Variants in TRPS1 observed in about 807,000 individuals in gnomAD.
The protein encoded by TRPS1 is zinc finger transcription factor Trps1.
Under a neutral mutation model 101.2 loss-of-function variants are expected in TRPS1, and 6 were observed. That is an observed-to-expected ratio of 0.06 (90% CI 0.03 to 0.12). The LOEUF is 0.12. TRPS1 is among the 10% of genes least tolerant of loss of function. TRPS1 has a pLI of 1.00. For synonymous variants in TRPS1, 578 were observed against 589.8 expected (o/e 0.98, Z 0.29); for missense variants, 1,363 against 1,567.0 (o/e 0.87, Z 2.20).
In TRPS1 at chr8:115,604,579, G is replaced by C. The variant is rs776825402; in HGVS notation, c.1390C>G (p.Leu464Val). The change falls in exon 4 of 7, where the codon CTG (leucine) becomes GTG (valine). Residue 464 changes from leucine to valine, a missense_variant. By Grantham distance (32) the Leu-to-Val change is conservative. Around this residue, in one of 5 missense-constraint regions of TRPS1, gnomAD observed 1,020 missense variants for 1,073.0 expected, o/e 0.95. Transcript: ENST00000395715. This position sits in a 1 kb window ranked among gnomAD's most constrained non-coding sequence, Gnocchi z 4.1. ...FSCESSSSLK[L>V]LEHYGKQHGA... ...TGCTGCTTGCCATAATGTTCTAGCA[G>C]TTTAAGTGAGCTAGATGACTCACAG... is the stretch of plus-strand genomic sequence containing the variant. The C allele has an allele frequency of 1.7e-5, 28 of 1,613,874 alleles. No individual in the cohort carries two copies. Among genetic ancestry groups the C allele is most frequent in the Non-Finnish European group, 1.7e-6 (2 of 1,179,998 alleles).
chr8:115,512,960 T>TG lies in TRPS1; in HGVS notation c.2700+74040dup, dbSNP rs1235145061. 1.3e-4 allele frequency among the ~76,000 whole-genome samples: 20 copies of TG among 151,796 alleles called. No individual in the cohort carries two copies. In the South Asian group the frequency reaches 3.1e-3, roughly 24 times the overall value. On this transcript the variant is annotated intron_variant, in intron 5 of 6. Transcript: ENST00000395715. ...ACAAAAATGAATAAGGCATGGGACC[T>TG]GTTCTTAAGATACTCATAATCTTGT... is the stretch of plus-strand genomic sequence containing the variant.
At chr8:115,514,867 A>G (rs574730767) in intron 5 of TRPS1, among the ~76,000 whole-genome samples, 21 of 151,696 alleles carry the variant, frequency 1.4e-4, no homozygotes, top group Non-Finnish European at 2.7e-4. Context: ...GTTCAAATGT[A>G]TGACTTCTAC....
At position 115,569,189 on chromosome 8, in the gene TRPS1, T is replaced by A. The variant is rs144157509; in HGVS notation, c.2700+17812A>T. Among the ~76,000 whole-genome samples the A allele has an allele frequency of 1.0e-3, 152 of 152,164 alleles. 2 individuals are homozygous for A. Among genetic ancestry groups the A allele is most frequent in the African/African-American group, 3.3e-3 (136 of 41,532 alleles). Reference sequence around the variant, plus strand: ...GATTATTTTTTTCATGAATCCTTCCTCTCTGCATGAATTCCAATCCTGGCA... The same window carrying A: ...GATTATTTTTTTCATGAATCCTTCCACTCTGCATGAATTCCAATCCTGGCA... On this transcript the variant is annotated intron_variant, in intron 5 of 6. Coordinates refer to ENST00000395715, the MANE Select transcript of TRPS1 (RefSeq NM_014112.5).
At chr8:115,445,536 T>G (rs1813710377) in intron 5 of TRPS1, among the ~76,000 whole-genome samples, 1 of 151,964 alleles carries the variant, frequency 6.6e-6, no homozygotes, top group Non-Finnish European at 1.5e-5. Context: ...AACAAAAGAG[T>G]CAATGAGGTA....
In TRPS1 at chr8:115,603,846, C is replaced by T. The variant is rs767229348; in HGVS notation, c.2096+27G>A. The T allele has an allele frequency of 3.7e-6, 6 of 1,612,948 alleles. No individual in the cohort carries two copies. The African/African-American group carries it at 6.7e-5, about 18-fold the overall frequency. ...TTTCTATTATTTTATTTGTATATTC[C>T]TCCCGACCCCACCCCCCATGCCTCA... On this transcript the variant is annotated intron_variant, in intron 4 of 6. Coordinates refer to ENST00000395715, the MANE Select transcript of TRPS1 (RefSeq NM_014112.5).
At chr8:115,423,227 T>A (rs1438827717) in intron 5 of TRPS1, among the ~76,000 whole-genome samples, 1 of 152,262 alleles carries the variant, frequency 6.6e-6, no homozygotes, top group Non-Finnish European at 1.5e-5. Context: ...GCTTTTCTTT[T>A]AATGCTTTGA....
In TRPS1 at chr8:115,619,330, G is replaced by C; in HGVS notation, c.768C>G (p.Phe256Leu). The change falls in exon 3 of 7, where the codon TTC becomes TTG. Residue 256 changes from phenylalanine to leucine, a missense_variant. Transcript: ENST00000395715. ...GNDPTDLIKH[F>L]RKYHLGLHNR... ...TATGCAGTCCTAAGTGATACTTTCG[G>C]AAGTGCTTAATCAGATCTGTGGGGT... 2 of 1,614,218 alleles carry C rather than the reference G, an allele frequency of 1.2e-6. No individual in the cohort carries two copies. Among genetic ancestry groups the C allele is most frequent in the East Asian group, 2.2e-5 (1 of 44,882 alleles).
At chr8:115,559,297 A>T (rs763249958) in intron 5 of TRPS1, among the ~76,000 whole-genome samples, 7 of 152,136 alleles carry the variant, frequency 4.6e-5, no homozygotes, top group Non-Finnish European at 1.0e-4. Context: ...GTGAGAGTAC[A>T]TTATTCACTG....
intron 5 of TRPS1, among the ~76,000 whole-genome samples, chr8:115,537,104 T>C (rs1278650438): frequency 6.6e-6 from 1 of 152,122 alleles, no homozygotes; most frequent in African/African-American, 2.4e-5. Flanking sequence ...AAGTTTGCTT[T>C]AAATTTTTTA....
At chr8:115,666,320 CA>C (rs904682881) in intron 1 of TRPS1, among the ~76,000 whole-genome samples, 17 of 151,844 alleles carry the variant, frequency 1.1e-4, no homozygotes, top group African/African-American at 3.6e-4. Flanking sequence ...GTATCATTTC[CA>C]GACTGTCCTG....
chr8:115,653,808 C>T (rs1167691682), intron 1 of TRPS1, among the ~76,000 whole-genome samples: 1 of 152,226 alleles, frequency 6.6e-6, no homozygotes, highest in Non-Finnish European at 1.5e-5. Context: ...AATACAGACC[C>T]TGGACCAGCC....
intron 4 of TRPS1, among the ~76,000 whole-genome samples, chr8:115,601,243 AGTT>A (rs1817900695): frequency 6.6e-6 from 1 of 152,238 alleles, no homozygotes; most frequent in African/African-American, 2.4e-5. Flanking sequence ...TTATGGCAGA[AGTT>A]TCCCAACATG....
At chr8:115,415,163 T>C in intron 6 of TRPS1, 79 bp from the exon 7 acceptor site, 2 of 1,419,508 alleles carry the variant, frequency 1.4e-6, no homozygotes, top group South Asian at 1.4e-5. Context: ...CTCACAAATA[T>C]AAACCATGCT....
chr8:115,458,762 G>A (rs1814092920), intron 5 of TRPS1, among the ~76,000 whole-genome samples: 1 of 152,110 alleles, frequency 6.6e-6, no homozygotes, highest in Non-Finnish European at 1.5e-5. Flanking sequence ...TAAACCACTG[G>A]GGCATGCCGT....
chr8:115,580,245 A>AAAATATAT (rs1554591592), intron 5 of TRPS1, among the ~76,000 whole-genome samples: 3 of 139,868 alleles, frequency 2.1e-5, no homozygotes, highest in African/African-American at 8.1e-5. Flanking sequence ...AAAAAAAAAA[A>AAAATATAT]ATATATATAT....
chr8:115,625,441 A>G (rs1200535515), intron 1 of TRPS1, among the ~76,000 whole-genome samples: 3 of 151,798 alleles, frequency 2.0e-5, no homozygotes, highest in South Asian at 2.1e-4. Flanking sequence ...AGTTTGCCCA[A>G]TTGCACTGAA....
At chr8:115,533,461 C>CTTTTTA (rs1381965854) in intron 5 of TRPS1, among the ~76,000 whole-genome samples, 1 of 14,254 alleles carries the variant, frequency 7.0e-5, no homozygotes, top group Non-Finnish European at 1.2e-4. Context: ...TTTTTTTTTC[C>CTTTTTA]TGAAAAAAAT....
chr8:115,586,161 G>A (rs879420593), intron 5 of TRPS1, among the ~76,000 whole-genome samples: 4 of 152,210 alleles, frequency 2.6e-5, no homozygotes, highest in Non-Finnish European at 5.9e-5. Context: ...ATCATCCAGA[G>A]AAGCTCAAAA....
rs1224998465 is a variant in TRPS1 at position 115,411,475 on chromosome 8, G to C, written c.*2548C>G. On this transcript the variant is annotated 3_prime_UTR_variant, in exon 7 of 7. Transcript: ENST00000395715. Reference sequence around the variant, plus strand: ...AGTCCACATAGATAATGTTGCTTAAGGATTGCCACGATGCATTCTGTTATT... The same window carrying C: ...AGTCCACATAGATAATGTTGCTTAACGATTGCCACGATGCATTCTGTTATT... 2 of 152,392 alleles carry C rather than the reference G, an allele frequency of 1.3e-5. No homozygotes were observed. The highest frequency in any genetic ancestry group is 4.8e-5 in the African/African-American group (2 of 41,408). 9.4% of individuals were successfully genotyped at this position (152,392 alleles called of 1,614,324 possible).
Sources: gnomAD v4.1 joint callset for allele counts (sites outside exome capture counted in the v4.1 genomes callset) on GRCh38, gnomAD v4.1.1 for gene constraint, gnomAD v4.1.1 regional missense constraint, Gnocchi (gnomAD v3.1) non-coding constraint, MANE v1.5 for transcripts, NCBI Gene and HGNC (gene_info 2026-07-23, HGNC 2026-07-21) for gene names.